The following SHTN1 variants were observed in gnomAD, a reference collection of about 807,000 sequenced individuals.
The protein encoded by SHTN1 is shootin-1.
A neutral mutation model predicts 83.1 loss-of-function variants in SHTN1; 42 were observed. The ratio of observed to expected loss-of-function variants is 0.51; its 90% confidence interval spans 0.39 to 0.65. The LOEUF (loss-of-function observed/expected upper bound fraction) is 0.65, where lower values mean the gene tolerates loss of function less well. Ranked by LOEUF, SHTN1 falls within the 30% of genes least tolerant of loss-of-function variation. The probability of loss-of-function intolerance (pLI) is 0.00; values close to 1 mark genes in which losing one functional copy is unlikely to be tolerated. For synonymous variants in SHTN1, 224 were observed against 247.7 expected (o/e 0.90, Z 0.90); for missense variants, 622 against 737.8 (o/e 0.84, Z 1.82).
intron 1 of SHTN1, among the ~76,000 whole-genome samples, chr10:116,990,953 G>A (rs1589875997): frequency 6.6e-6 from 1 of 152,144 alleles, no homozygotes; most frequent in South Asian, 2.1e-4. Context: ...TTGGGAGGCC[G>A]AGGCGGGTGG....
At chr10:116,986,885 C>G (rs2133499788) in intron 1 of SHTN1, among the ~76,000 whole-genome samples, 1 of 152,000 alleles carries the variant, frequency 6.6e-6, no homozygotes, top group African/African-American at 2.4e-5. Flanking sequence ...CCCGCCACCA[C>G]ACCCAGCTAA....
intron 2 of SHTN1, among the ~76,000 whole-genome samples, chr10:117,033,622 T>A (rs1852452829): frequency 1.3e-5 from 2 of 151,916 alleles, no homozygotes; most frequent in African/African-American, 4.8e-5. Flanking sequence ...CTAATATCAA[T>A]CCTACTCAAA....
intron 16 of SHTN1, chr10:116,900,595 A>T: frequency 6.5e-7 from 1 of 1,531,282 alleles, no homozygotes; most frequent in South Asian, 1.2e-5. Context: ...AGCATTTATC[A>T]GAAACTAACT....
chr10:116,984,178 CT>C (rs1181870705), intron 1 of SHTN1, among the ~76,000 whole-genome samples: 10 of 152,204 alleles, frequency 6.6e-5, no homozygotes, highest in African/African-American at 9.6e-5. Flanking sequence ...CTCTAGCACT[CT>C]TTCCAGACCA....
At position 117,115,412 on chromosome 10, in the gene SHTN1, C is replaced by T. The variant is rs552986281; in HGVS notation, c.-189+10895G>A. Among the ~76,000 whole-genome samples the T allele has an allele frequency of 3.7e-4, 57 of 152,286 alleles. No individual in the cohort carries two copies. In the Middle Eastern group the frequency reaches 0.014, roughly 36 times the overall value. On this transcript the variant is annotated intron_variant, in intron 1 of 17. Transcript: ENST00000392901. ...GAAAAAAAAAGGTAATGGCACCTGTCATCAGCGCTCAGGGAATGTTAGTTT... is the reference window on the plus strand; with the variant it reads ...GAAAAAAAAAGGTAATGGCACCTGTTATCAGCGCTCAGGGAATGTTAGTTT...
At chr10:117,073,086 T>A (rs1260492941) in intron 1 of SHTN1, among the ~76,000 whole-genome samples, 2 of 152,106 alleles carry the variant, frequency 1.3e-5, no homozygotes, top group Non-Finnish European at 2.9e-5. Context: ...GTCTCAGCAA[T>A]AGAATTGAAC....
intron 1 of SHTN1, among the ~76,000 whole-genome samples, chr10:117,124,258 T>C (rs1224210396): frequency 6.6e-6 from 1 of 150,822 alleles, no homozygotes; most frequent in East Asian, 1.9e-4. Flanking sequence ...CTGATGGTCC[T>C]GACTCTAACC....
chr10:116,907,757 C>T (rs1236576138), intron 14 of SHTN1: 1 of 424,096 alleles, frequency 2.4e-6, no homozygotes, highest in South Asian at 1.7e-5. Context: ...ATCTTTTGAT[C>T]AGAGGACATA....
At chr10:116,933,760 T>C (rs891385114) in intron 9 of SHTN1, among the ~76,000 whole-genome samples, 1 of 152,194 alleles carries the variant, frequency 6.6e-6, no homozygotes, top group African/African-American at 2.4e-5. Flanking sequence ...TCCACAATGG[T>C]TGAACTAATT....
chr10:117,101,719 C>G (rs1853597220), intron 1 of SHTN1, among the ~76,000 whole-genome samples: 1 of 152,048 alleles, frequency 6.6e-6, no homozygotes, highest in Admixed American at 6.6e-5. Flanking sequence ...ACAAAGCTAT[C>G]CAAAGAAAGA....
chr10:117,123,136 G>A (rs1853955385), intron 1 of SHTN1, among the ~76,000 whole-genome samples: 1 of 152,100 alleles, frequency 6.6e-6, no homozygotes, highest in South Asian at 2.1e-4. Context: ...CCAAGTAGTT[G>A]GGATTACAGG....
chr10:116,899,546 T>TGTGTGTGTGTGTGA (rs1311755308), intron 16 of SHTN1, among the ~76,000 whole-genome samples: 34 of 123,890 alleles, frequency 2.7e-4, no homozygotes, highest in African/African-American at 9.0e-4. Flanking sequence ...TGTGTGTGTG[T>TGTGTGTGTGTGTGA]GAGAGAGTGC....
At chr10:116,991,515 G>C (rs1400511296) in intron 1 of SHTN1, among the ~76,000 whole-genome samples, 1 of 152,164 alleles carries the variant, frequency 6.6e-6, no homozygotes, top group Non-Finnish European at 1.5e-5. Context: ...AGGAGAGAAG[G>C]GAAAGGTGTT....
intron 1 of SHTN1, among the ~76,000 whole-genome samples, chr10:117,065,856 AGGAGGGAG>A (rs1237589306): frequency 2.7e-5 from 1 of 37,060 alleles, no homozygotes; most frequent in African/African-American, 1.3e-4. Flanking sequence ...AAGGAAGGAA[AGGAGGGAG>A]GGAGGGAGGG....
intron 1 of SHTN1, among the ~76,000 whole-genome samples, chr10:117,067,116 G>A (rs1156467726): frequency 6.6e-6 from 1 of 152,224 alleles, no homozygotes; most frequent in Non-Finnish European, 1.5e-5. Context: ...GAGAAAGAGT[G>A]TGGAACATTT....
At chr10:116,909,181 G>C (rs756269972) in intron 14 of SHTN1, among the ~76,000 whole-genome samples, 1 of 152,076 alleles carries the variant, frequency 6.6e-6, no homozygotes, top group Non-Finnish European at 1.5e-5. Flanking sequence ...TCATTGATAG[G>C]GCTGGATCTA....
intron 2 of SHTN1, chr10:117,048,391 C>T (rs1239393901): frequency 1.5e-6 from 1 of 660,720 alleles, no homozygotes; most frequent in Non-Finnish European, 1.9e-6. Context: ...AGGAAAGATT[C>T]ATTTTACAAC....
intron 1 of SHTN1, among the ~76,000 whole-genome samples, chr10:117,110,590 A>G (rs1405898501): frequency 1.3e-5 from 2 of 151,288 alleles, no homozygotes; most frequent in Non-Finnish European, 1.5e-5. Flanking sequence ...CAAACTCCTG[A>G]GCTCAGGCAA....
intron 1 of SHTN1, among the ~76,000 whole-genome samples, chr10:116,990,886 T>C (rs1851404119): frequency 6.6e-6 from 1 of 152,110 alleles, no homozygotes. Context: ...GTTAAAGCCT[T>C]AAAGGGCTTC....
Sources: gnomAD v4.1 joint callset for allele counts (sites outside exome capture counted in the v4.1 genomes callset) on GRCh38, gnomAD v4.1.1 for gene constraint, MANE v1.5 for transcripts, NCBI Gene and HGNC (gene_info 2026-07-23, HGNC 2026-07-21) for gene names.